Variants in ZBTB49 observed in about 807,000 individuals in gnomAD.
ZBTB49 encodes zinc finger and BTB domain-containing protein 49.
A neutral mutation model predicts 57.5 loss-of-function variants in ZBTB49; 43 were observed. The ratio of observed to expected loss-of-function variants is 0.75; its 90% CI spans 0.59 to 0.97. ZBTB49 has a LOEUF of 0.97. Ranked by LOEUF, ZBTB49 falls within the 50% of genes least tolerant of loss-of-function variation. ZBTB49 has a pLI of 0.00. For missense variants in ZBTB49, 938 were observed against 947.7 expected (o/e 0.99, Z 0.13); for synonymous variants, 369 against 362.1 (o/e 1.02, Z -0.22).
At chr4:4,318,764 A>G (rs1484824208) in intron 7 of ZBTB49, among the ~76,000 whole-genome samples, 4 of 152,188 alleles carry the variant, frequency 2.6e-5, no homozygotes, top group African/African-American at 9.7e-5. Context: ...GAAACTAAAT[A>G]TGCTTTCACT....
At chr4:4,290,721 C>T (rs1719854299) in intron 1 of ZBTB49, among the ~76,000 whole-genome samples, 1 of 152,250 alleles carries the variant, frequency 6.6e-6, no homozygotes, top group Non-Finnish European at 1.5e-5. Context: ...GCCCATCTCT[C>T]GGCTTCTGTT....
Position 4,303,041 on chromosome 4 carries a change from A to T in ZBTB49, c.1205A>T (p.Lys402Ile), listed in dbSNP as rs1307475489. Residue 402 changes from lysine to isoleucine, a missense_variant, in exon 3 of 8, where the codon AAA becomes ATA. Coordinates refer to ENST00000337872, the MANE Select transcript of ZBTB49 (RefSeq NM_145291.4). ...QRQYACELCG[K>I]PFKHPSNLEL... is the part of the protein sequence containing the mutation. ...CAATACGCGTGTGAATTATGCGGGA[A>T]ACCTTTTAAACACCCAAGCAACTTG... 1 of 1,612,474 alleles carries T rather than the reference A, an allele frequency of 6.2e-7. No individual in the cohort carries two copies. The highest frequency in any genetic ancestry group is 2.2e-5 in the East Asian group (1 of 44,886).
chr4:4,310,645 G>A (rs1359229004), intron 4 of ZBTB49, among the ~76,000 whole-genome samples: 5 of 151,236 alleles, frequency 3.3e-5, no homozygotes, highest in African/African-American at 1.2e-4. Context: ...GAGTAGCTGG[G>A]ACTACAGGCG....
intron 1 of ZBTB49, among the ~76,000 whole-genome samples, chr4:4,297,560 A>C (rs1720268555): frequency 6.6e-6 from 1 of 152,084 alleles, no homozygotes; most frequent in Non-Finnish European, 1.5e-5. Context: ...TGAGGTAGGC[A>C]GATTGCTTAA....
At chr4:4,313,526 A>C (rs1721065941) in intron 5 of ZBTB49, among the ~76,000 whole-genome samples, 1 of 152,174 alleles carries the variant, frequency 6.6e-6, no homozygotes, top group Non-Finnish European at 1.5e-5. Context: ...GGAAGGTGCC[A>C]CAAGCCGTGG....
intron 5 of ZBTB49, 114 bp downstream of exon 5, chr4:4,313,228 C>A: frequency 1.8e-6 from 2 of 1,107,854 alleles, no homozygotes; most frequent in Non-Finnish European, 2.6e-6. Flanking sequence ...GTGGGCTCAC[C>A]CTGCCACTGC....
At position 4,321,125 on chromosome 4, in the gene ZBTB49, C is replaced by T. The variant is rs776854648; in HGVS notation, c.2107C>T (p.Pro703Ser). 25 of 1,614,176 alleles carry T rather than the reference C, an allele frequency of 1.5e-5. No individual in the cohort carries two copies. The highest frequency in any genetic ancestry group is 3.3e-4 in the Middle Eastern group (2 of 6,062). ...SDVDTPAGGE[P>S]LQADGMAMIR... ...TGTGGACACCCCAGCCGGTGGCGAACCACTGCAGGCCGATGGCATGGCCAT... is the reference window on the plus strand; with the variant it reads ...TGTGGACACCCCAGCCGGTGGCGAATCACTGCAGGCCGATGGCATGGCCAT... The change falls in exon 8 of 8, where the codon CCA becomes TCA. Residue 703 changes from proline (P) to serine (S), a missense_variant. Physicochemically the swap from Pro to Ser is moderately conservative, Grantham distance 74 (BLOSUM62 -1). This residue lies in a region of ZBTB49 where 835 missense variants were observed against 819.1 expected (regional missense o/e 1.02). Coordinates refer to ENST00000337872, the MANE Select transcript of ZBTB49 (RefSeq NM_145291.4).
chr4:4,300,141 A>G, intron 2 of ZBTB49, 44 bp downstream of exon 2: 4 of 1,603,916 alleles, frequency 2.5e-6, no homozygotes, highest in Non-Finnish European at 3.4e-6. Flanking sequence ...AATTAAGGGT[A>G]AAGCTCTTTT....
intron 5 of ZBTB49, 94 bp from the exon 6 acceptor site, chr4:4,315,542 A>C (rs1477692393): frequency 1.5e-5 from 18 of 1,207,580 alleles, no homozygotes; most frequent in African/African-American, 3.0e-5. Flanking sequence ...CAGCAGTGTC[A>C]GGAGCAGGTA....
chr4:4,299,929 C>A lies in ZBTB49; in HGVS notation c.-17C>A. ...GTATCTGTGATTTTTTGCTGTAGGT[C>A]ACCTGAATGGTTGAGCATGGACCCT... On this transcript the variant is annotated splice_region_variant and 5_prime_UTR_variant, in exon 2 of 8. Transcript: ENST00000337872. 6.2e-7 allele frequency: 1 copy of A among 1,612,436 alleles called. No homozygotes were observed. The highest frequency in any genetic ancestry group is 1.1e-5 in the South Asian group (1 of 90,976).
At chr4:4,306,253 G>A (rs889245540) in intron 4 of ZBTB49, 69 bp downstream of exon 4, 2 of 1,367,170 alleles carry the variant, frequency 1.5e-6, no homozygotes, top group African/African-American at 1.4e-5. Flanking sequence ...TTGGAAATAA[G>A]ACATACTTTT....
chr4:4,320,771 C>G lies in ZBTB49; in HGVS notation c.1753C>G (p.His585Asp), dbSNP rs771708005. 1.2e-6 allele frequency: 2 copies of G among 1,614,196 alleles called. No individual in the cohort carries two copies. The highest frequency in any genetic ancestry group is 3.3e-5 in the Admixed American group (2 of 60,022). Residue 585 changes from histidine (H) to aspartate (D), a missense_variant, in exon 8 of 8, where the codon CAC (histidine) becomes GAC (aspartate). By Grantham distance (81) the His-to-Asp change is moderately conservative. Coordinates refer to ENST00000337872, the MANE Select transcript of ZBTB49 (RefSeq NM_145291.4). Reference sequence around the variant, plus strand: ...GGTGCTCCGGCGGCACAAGAAGATGCACTGCAAAGCTGGTGACGAGAGCCC... The same window carrying G: ...GGTGCTCCGGCGGCACAAGAAGATGGACTGCAAAGCTGGTGACGAGAGCCC... ...SAVLRRHKKM[H>D]CKAGDESPDV...
At chr4:4,298,991 G>C (rs1265801610) in intron 1 of ZBTB49, among the ~76,000 whole-genome samples, 2 of 152,202 alleles carry the variant, frequency 1.3e-5, no homozygotes, top group Non-Finnish European at 2.9e-5. Context: ...TGACCCTACA[G>C]CCTGGCACAC....
At chr4:4,301,151 G>A (rs1720454666) in intron 2 of ZBTB49, among the ~76,000 whole-genome samples, 1 of 152,174 alleles carries the variant, frequency 6.6e-6, no homozygotes, top group African/African-American at 2.4e-5. Flanking sequence ...TACACAGGCT[G>A]TTTTGCGCTT....
In ZBTB49 at chr4:4,320,850, C is replaced by T; in HGVS notation, c.1832C>T (p.Ser611Phe). ...QAIETSDLEK[S>F]QSSDSFSQDT... ...ATCGAGACCTCCGACCTCGAGAAAT[C>T]TCAGAGCTCAGACTCTTTCTCCCAA... Residue 611 changes from serine (S) to phenylalanine (F), a missense_variant, in exon 8 of 8, where the codon TCT becomes TTT. Ser to Phe is a radical substitution (Grantham distance 155). Transcript: ENST00000337872. The T allele has an allele frequency of 6.2e-7, 1 of 1,614,224 alleles. No individual in the cohort carries two copies. The highest frequency in any genetic ancestry group is 1.3e-5 in the African/African-American group (1 of 75,064).
chr4:4,306,273 A>G, intron 4 of ZBTB49, 89 bp downstream of exon 4: 1 of 1,115,596 alleles, frequency 9.0e-7, no homozygotes. Flanking sequence ...TGTACTTGTG[A>G]GAGAAGCCTC....
At chr4:4,300,599 A>G (rs1720433539) in intron 2 of ZBTB49, among the ~76,000 whole-genome samples, 1 of 151,854 alleles carries the variant, frequency 6.6e-6, no homozygotes, top group Non-Finnish European at 1.5e-5. Context: ...TATATGAAAT[A>G]TTTATTTATA....
intron 2 of ZBTB49, among the ~76,000 whole-genome samples, chr4:4,301,619 C>T (rs865901615): frequency 1.3e-5 from 2 of 151,650 alleles, no homozygotes; most frequent in African/African-American, 2.4e-5. Context: ...AATTACCTTT[C>T]GAAAAAATAT....
At chr4:4,305,113 A>G (rs1026053593) in intron 3 of ZBTB49, among the ~76,000 whole-genome samples, 3 of 151,470 alleles carry the variant, frequency 2.0e-5, no homozygotes, top group Non-Finnish European at 2.9e-5. Context: ...TCAGACATAA[A>G]TGTAGTTTCA....
Sources: allele counts gnomAD v4.1 joint callset (sites outside exome capture counted in the v4.1 genomes callset), GRCh38; gene constraint gnomAD v4.1.1; regional missense constraint gnomAD v4.1.1; transcripts MANE v1.5; gene names NCBI Gene and HGNC (gene_info 2026-07-23, HGNC 2026-07-21).